The following THSD7B variants were observed in gnomAD, a reference collection of about 807,000 sequenced individuals.
THSD7B encodes thrombospondin type 1 domain containing 7B.
Under a neutral mutation model 213.6 loss-of-function variants are expected in THSD7B, and 138 were observed. That is an observed-to-expected ratio of 0.65 (90% confidence interval 0.56 to 0.74). The LOEUF (loss-of-function observed/expected upper bound fraction) is 0.74, where lower values mean the gene tolerates loss of function less well. Among genes scored for constraint, THSD7B ranks in the 30% least tolerant of loss-of-function variants. The pLI is 0.00. For synonymous variants in THSD7B, 742 were observed against 687.0 expected, an observed-to-expected ratio of 1.08 and a Z score of -1.25; for missense variants, 1,931 against 1,991.5, an observed-to-expected ratio of 0.97 and a Z score of 0.58.
At chr2:137,570,454 G>A (rs550746344) in intron 16 of THSD7B, among the ~76,000 whole-genome samples, 14 of 152,058 alleles carry the variant, frequency 9.2e-5, no homozygotes, top group Non-Finnish European at 1.8e-4. Flanking sequence ...GACTACAGGC[G>A]CCTGCCACCT....
intron 2 of THSD7B, among the ~76,000 whole-genome samples, chr2:137,030,115 G>A (rs1686637686): frequency 6.6e-6 from 1 of 152,060 alleles, no homozygotes; most frequent in South Asian, 2.1e-4. Context: ...GCGTGCATGA[G>A]TGCATGAGTG....
At chr2:137,483,834 C>T (rs540545118) in intron 15 of THSD7B, among the ~76,000 whole-genome samples, 4 of 152,060 alleles carry the variant, frequency 2.6e-5, no homozygotes, top group African/African-American at 9.6e-5. Flanking sequence ...CGAATCATTT[C>T]GGAGACAGAA....
intron 7 of THSD7B, among the ~76,000 whole-genome samples, chr2:137,206,483 A>T (rs1210706780): frequency 6.6e-6 from 1 of 152,028 alleles, no homozygotes; most frequent in Non-Finnish European, 1.5e-5. Context: ...GTCACATTAG[A>T]GTTACATTAT....
At chr2:137,166,087 G>A (rs957687725) in intron 6 of THSD7B, among the ~76,000 whole-genome samples, 9 of 152,042 alleles carry the variant, frequency 5.9e-5, no homozygotes, top group Non-Finnish European at 1.3e-4. Flanking sequence ...ATCATGGAAG[G>A]CTTGTGGCTG....
intron 2 of THSD7B, among the ~76,000 whole-genome samples, chr2:136,954,831 A>G (rs753723111): frequency 4.3e-4 from 65 of 152,058 alleles, no homozygotes; most frequent in African/African-American, 1.5e-3. Context: ...CTCAGAATTC[A>G]GCCTTCAGTG....
At chr2:137,308,546 A>C (rs1310024656) in intron 12 of THSD7B, among the ~76,000 whole-genome samples, 3 of 152,122 alleles carry the variant, frequency 2.0e-5, no homozygotes, top group African/African-American at 7.2e-5. Context: ...ACATTAACTC[A>C]TACTTGTCAA....
At chr2:136,852,748 G>A (rs1055543854) in intron 1 of THSD7B, among the ~76,000 whole-genome samples, 1 of 151,948 alleles carries the variant, frequency 6.6e-6, no homozygotes, top group Non-Finnish European at 1.5e-5. Flanking sequence ...AACTAAAAGA[G>A]CACTCTAAAT....
chr2:137,059,834 G>T (rs1687238202), intron 3 of THSD7B, among the ~76,000 whole-genome samples: 1 of 152,112 alleles, frequency 6.6e-6, no homozygotes, highest in Admixed American at 6.6e-5. Context: ...TGCTATAAAA[G>T]TTTATGTGTG....
chr2:136,851,097 G>T (rs1462178456), intron 1 of THSD7B, among the ~76,000 whole-genome samples: 1 of 151,882 alleles, frequency 6.6e-6, no homozygotes, highest in Non-Finnish European at 1.5e-5. Flanking sequence ...AAATATATTG[G>T]TGTGTTCTTC....
At chr2:136,967,148 G>C (rs1174170109) in intron 2 of THSD7B, among the ~76,000 whole-genome samples, 1 of 152,124 alleles carries the variant, frequency 6.6e-6, no homozygotes, top group Non-Finnish European at 1.5e-5. Context: ...TTCTTAGTTG[G>C]CTATTGGAAA....
intron 7 of THSD7B, among the ~76,000 whole-genome samples, chr2:137,217,632 G>A (rs985551111): frequency 6.6e-6 from 1 of 152,056 alleles, no homozygotes; most frequent in Non-Finnish European, 1.5e-5. Context: ...ATATATTGAT[G>A]GTGATACATT....
At chr2:137,324,921 T>A (rs1684334493) in intron 12 of THSD7B, among the ~76,000 whole-genome samples, 1 of 152,252 alleles carries the variant, frequency 6.6e-6, no homozygotes, top group African/African-American at 2.4e-5. Flanking sequence ...GATCAATGCA[T>A]GCTTCTTCCT....
chr2:136,779,194 ATATATGTGTG>A (rs1332012275), intron 1 of THSD7B, among the ~76,000 whole-genome samples: 3,764 of 76,536 alleles, frequency 0.049, 170 homozygotes, highest in African/African-American at 0.18. Flanking sequence ...GGCTATATAT[ATATATGTGTG>A]TGTGTGTGTG....
At chr2:137,373,524 C>T (rs561940093) in intron 12 of THSD7B, among the ~76,000 whole-genome samples, 108 of 152,170 alleles carry the variant, frequency 7.1e-4, no homozygotes, top group South Asian at 8.3e-4. Context: ...TCATGTCCTT[C>T]GCCCACTTGT....
At chr2:137,593,927 A>G (rs1440253118) in intron 17 of THSD7B, among the ~76,000 whole-genome samples, 1 of 152,000 alleles carries the variant, frequency 6.6e-6, no homozygotes, top group African/African-American at 2.4e-5. Context: ...TATATGGTTC[A>G]TCTCAAATAC....
chr2:137,511,087 C>T (rs1187498564), intron 15 of THSD7B, among the ~76,000 whole-genome samples: 1 of 152,184 alleles, frequency 6.6e-6, no homozygotes, highest in East Asian at 1.9e-4. Flanking sequence ...TCACAGATCT[C>T]TGTTTATTTA....
Position 137,295,090 on chromosome 2 carries a change from C to T in THSD7B, c.2500+19064C>T, listed in dbSNP as rs529709800. ...CTGTATCTCTGCTGACATTTGTTTA[C>T]TTGTCTCAAATATAATTTCCTAGTT... is the stretch of plus-strand genomic sequence containing the variant. On this transcript the variant is annotated intron_variant, in intron 12 of 27. Coordinates refer to ENST00000409968, the MANE Select transcript of THSD7B (RefSeq NM_001316349.2). Among the ~76,000 whole-genome samples the T allele has an allele frequency of 6.6e-5, 10 of 152,080 alleles. No individual in the cohort carries two copies. In the East Asian group the frequency reaches 1.9e-3, roughly 29 times the overall value.
intron 12 of THSD7B, among the ~76,000 whole-genome samples, chr2:137,315,142 T>G (rs998132708): frequency 1.6e-4 from 25 of 152,178 alleles, no homozygotes; most frequent in Admixed American, 1.6e-3. Flanking sequence ...CAGGCTGCTG[T>G]GCTAGCAATC....
chr2:137,676,698 G>T lies in THSD7B; in HGVS notation c.*93G>T. On this transcript the variant is annotated 3_prime_UTR_variant, in exon 28 of 28. Transcript: ENST00000409968. ...TTCTCAGTTTTTTGAGGAATCTCAAGATGTGATATATTGGGCAGAATACAA... is the reference window on the plus strand; with the variant it reads ...TTCTCAGTTTTTTGAGGAATCTCAATATGTGATATATTGGGCAGAATACAA... 2 of 1,138,046 alleles carry T rather than the reference G, an allele frequency of 1.8e-6. No individual in the cohort carries two copies. Among genetic ancestry groups the T allele is most frequent in the African/African-American group, 1.6e-5 (1 of 62,378 alleles). 70.5% of individuals were successfully genotyped at this position (1,138,046 alleles called of 1,614,324 possible).
Sources: allele counts gnomAD v4.1 joint callset (sites outside exome capture counted in the v4.1 genomes callset), GRCh38; gene constraint gnomAD v4.1.1; transcripts MANE v1.5; gene names NCBI Gene and HGNC (gene_info 2026-07-23, HGNC 2026-07-21).